CREB5: variants seen among roughly 807,000 people sequenced by gnomAD.
CREB5 encodes the protein cyclic AMP-responsive element-binding protein 5.
A neutral mutation model predicts 57.1 loss-of-function variants in CREB5; 19 were observed. That is an observed-to-expected ratio of 0.33 (90% CI 0.23 to 0.49). CREB5 has a LOEUF of 0.49. Ranked by LOEUF, CREB5 falls within the 20% of genes least tolerant of loss-of-function variation. CREB5 has a pLI of 0.99. For synonymous variants in CREB5, 238 were observed against 238.3 expected (o/e 1.00, Z 0.01); for missense variants, 579 against 671.6 (o/e 0.86, Z 1.52).
At position 28,493,453 on chromosome 7, in the gene CREB5, A is replaced by G. The variant is rs1453155152; in HGVS notation, c.76-1453A>G. ...TTCTATTCCCCAAGGATACATTTCTATTGTAGATTGGCAGGAAGTTCTTCA... is the reference window on the plus strand; with the variant it reads ...TTCTATTCCCCAAGGATACATTTCTGTTGTAGATTGGCAGGAAGTTCTTCA... On this transcript the variant is annotated intron_variant, in intron 2 of 10. Transcript: ENST00000357727. Among the ~76,000 whole-genome samples the G allele has an allele frequency of 3.3e-5, 5 of 152,316 alleles. No individual in the cohort carries two copies. In the South Asian group the frequency reaches 8.3e-4, roughly 25 times the overall value.
intron 1 of CREB5, among the ~76,000 whole-genome samples, chr7:28,421,909 AGTGTGTATGT>A (rs200717768): frequency 1.7e-4 from 24 of 141,354 alleles, no homozygotes; most frequent in East Asian, 2.1e-4. Context: ...ATATAGAGAG[AGTGTGTATGT>A]GTGTGTATGT....
intron 1 of CREB5, among the ~76,000 whole-genome samples, chr7:28,332,200 A>C (rs1388245786): frequency 1.3e-5 from 2 of 152,224 alleles, no homozygotes; most frequent in African/African-American, 4.8e-5. Flanking sequence ...TAGCCACCAG[A>C]AACTGGAAGC....
intron 1 of CREB5, among the ~76,000 whole-genome samples, chr7:28,415,988 C>T (rs929708979): frequency 6.6e-6 from 1 of 152,074 alleles, no homozygotes; most frequent in East Asian, 1.9e-4. Flanking sequence ...ACTGGCAAAA[C>T]TTGACCAATC....
intron 5 of CREB5, among the ~76,000 whole-genome samples, chr7:28,617,085 CA>C (rs1419614157): frequency 1.3e-5 from 2 of 152,300 alleles, no homozygotes; most frequent in African/African-American, 4.8e-5. Context: ...AAATCATCCA[CA>C]AGAAGGATTC....
chr7:28,375,462 T>C (rs1189099646), intron 1 of CREB5, among the ~76,000 whole-genome samples: 1 of 152,154 alleles, frequency 6.6e-6, no homozygotes, highest in Non-Finnish European at 1.5e-5. Flanking sequence ...AGGGTGACTA[T>C]AGTCAATAAT....
chr7:28,597,629 G>A (rs1562519363), intron 5 of CREB5, among the ~76,000 whole-genome samples: 1 of 152,120 alleles, frequency 6.6e-6, no homozygotes, highest in Non-Finnish European at 1.5e-5. Context: ...ACCAGATTGA[G>A]GTGGAATTAA....
intron 1 of CREB5, among the ~76,000 whole-genome samples, chr7:28,335,943 A>C (rs1370766639): frequency 6.6e-6 from 1 of 152,120 alleles, no homozygotes; most frequent in Non-Finnish European, 1.5e-5. Context: ...TTTCAGCATC[A>C]ATTGAAATGA....
intron 5 of CREB5, among the ~76,000 whole-genome samples, chr7:28,575,279 T>C (rs1795862229): frequency 6.6e-6 from 1 of 152,204 alleles, no homozygotes; most frequent in Admixed American, 6.5e-5. Flanking sequence ...TCCTGCCCAG[T>C]GTTCCCTCAA....
At position 28,412,608 on chromosome 7, in the gene CREB5, A is replaced by T. The variant is rs1327323818; in HGVS notation, c.-307A>T. 3.6e-6 allele frequency: 1 copy of T among 280,718 alleles called. No individual in the cohort carries two copies. The highest frequency in any genetic ancestry group is 6.6e-6 in the Non-Finnish European group (1 of 151,756). 17.4% of individuals were successfully genotyped at this position (280,718 alleles called of 1,614,324 possible). A position where few individuals can be genotyped will look rare whatever the true frequency, so the allele number is the denominator to read the frequency against. On this transcript the variant is annotated 5_prime_UTR_variant, in exon 1 of 11. It introduces an in-frame stop codon into an upstream open reading frame of the 5' UTR. Transcript: ENST00000357727. ...TTTAGTCACATTTTCCATGTCAGTT[A>T]AATCTAGGGAGTTCAAGACTACTGG... is the stretch of plus-strand genomic sequence containing the variant.
chr7:28,758,317 G>A (rs145111125), intron 7 of CREB5, among the ~76,000 whole-genome samples: 15 of 152,280 alleles, frequency 9.9e-5, no homozygotes, highest in African/African-American at 2.6e-4. Flanking sequence ...CCTGCTCAGC[G>A]GCTTGGCCGT....
intron 5 of CREB5, among the ~76,000 whole-genome samples, chr7:28,716,052 G>A (rs1400719012): frequency 6.6e-6 from 1 of 152,052 alleles, no homozygotes; most frequent in Non-Finnish European, 1.5e-5. Context: ...CATGGTTTCA[G>A]GAAGAATAAA....
At chr7:28,492,157 G>A (rs745396128) in intron 2 of CREB5, among the ~76,000 whole-genome samples, 1 of 152,178 alleles carries the variant, frequency 6.6e-6, no homozygotes, top group East Asian at 1.9e-4. Flanking sequence ...TTGCCACCAC[G>A]CCTGGCTAAT....
rs1797676180 is a variant in CREB5 at position 28,618,526 on chromosome 7, C to G, written c.464+47989C>G. On this transcript the variant is annotated intron_variant, in intron 5 of 10. Transcript: ENST00000357727. The stretch of plus-strand genomic sequence containing the variant: ...CCTGAGTAGCCACCCACACAGTAAA[C>G]AGTTGTCCCACTTTTCAGGGCTCCA... 2.6e-5 allele frequency among the ~76,000 whole-genome samples: 4 copies of G among 152,204 alleles called. No homozygotes were observed. The South Asian group carries it at 6.2e-4, about 24-fold the overall frequency.
rs1808554396 is a variant in CREB5, at chr7:28,804,233, C to T, written c.737C>T (p.Ala246Val). The T allele has an allele frequency of 6.2e-7, 1 of 1,614,040 alleles. No individual in the cohort carries two copies. ...LKAALTHHPA[A>V]MSNGNMNTMG... Reference sequence around the variant, plus strand: ...GCTGCATTGACTCACCACCCTGCTGCCATGTCAAATGGGAACATGAACACC... The same window carrying T: ...GCTGCATTGACTCACCACCCTGCTGTCATGTCAAATGGGAACATGAACACC... Residue 246 changes from alanine to valine, a missense_variant, in exon 8 of 11, where the codon GCC (alanine) becomes GTC (valine). Ala to Val is a moderately conservative substitution (Grantham distance 64, BLOSUM62 0). Around this residue, in one of 3 missense-constraint regions of CREB5, gnomAD observed 459 missense variants for 515.7 expected, o/e 0.89. Coordinates refer to ENST00000357727, the MANE Select transcript of CREB5 (RefSeq NM_182898.4).
At chr7:28,795,306 C>G (rs1453592197) in intron 7 of CREB5, among the ~76,000 whole-genome samples, 1 of 152,154 alleles carries the variant, frequency 6.6e-6, no homozygotes, top group Non-Finnish European at 1.5e-5. Context: ...GATTCCTGCT[C>G]AATTTCTCAT....
intron 1 of CREB5, among the ~76,000 whole-genome samples, chr7:28,486,906 A>G (rs925947587): frequency 6.6e-6 from 1 of 151,376 alleles, no homozygotes; most frequent in African/African-American, 2.4e-5. Flanking sequence ...GGAGTTTGAG[A>G]CCAGCCTGGC....
At chr7:28,407,346 C>T (rs913213859) in intron 1 of CREB5, among the ~76,000 whole-genome samples, 25 of 152,130 alleles carry the variant, frequency 1.6e-4, no homozygotes, top group Admixed American at 1.2e-3. Context: ...CCACCGTGCC[C>T]GGCCCCAAGC....
intron 3 of CREB5, among the ~76,000 whole-genome samples, chr7:28,499,750 A>AT (rs1792200588): frequency 6.6e-6 from 1 of 152,050 alleles, no homozygotes; most frequent in African/African-American, 2.4e-5. Flanking sequence ...CACTCGGCTA[A>AT]TTTTGCATTT....
intron 7 of CREB5, among the ~76,000 whole-genome samples, chr7:28,798,828 AAT>A (rs1808205302): frequency 6.6e-6 from 1 of 152,166 alleles, no homozygotes; most frequent in Non-Finnish European, 1.5e-5. Context: ...ATAGCTGAAA[AAT>A]ATATGTTTAT....
Sources: allele counts gnomAD v4.1 joint callset (sites outside exome capture counted in the v4.1 genomes callset), GRCh38; gene constraint gnomAD v4.1.1; regional missense constraint gnomAD v4.1.1; transcripts MANE v1.5; gene names NCBI Gene and HGNC (gene_info 2026-07-23, HGNC 2026-07-21).